Variants in NKAIN3 observed in about 807,000 individuals in gnomAD.
NKAIN3 encodes sodium/potassium-transporting ATPase subunit beta-1-interacting protein 3.
NKAIN3 carries 25 observed loss-of-function variants against 30.2 expected under a neutral mutation model. The observed-to-expected ratio is 0.83, with a 90% CI of 0.60 to 1.16. The LOEUF is 1.16. Ranked by LOEUF, NKAIN3 falls within the 50% of genes most tolerant of loss-of-function variation. The pLI is 0.00. For synonymous variants in NKAIN3, 91 were observed against 89.6 expected (o/e 1.02, Z -0.09); for missense variants, 225 against 254.1 (o/e 0.89, Z 0.78).
intron 3 of NKAIN3, among the ~76,000 whole-genome samples, chr8:62,677,178 G>A (rs914087637): frequency 1.3e-5 from 2 of 152,204 alleles, no homozygotes; most frequent in African/African-American, 2.4e-5. Context: ...CTCAGAAATA[G>A]CACCTGTAAG....
At chr8:62,815,032 G>T (rs1818630043) in intron 4 of NKAIN3, among the ~76,000 whole-genome samples, 1 of 151,850 alleles carries the variant, frequency 6.6e-6, no homozygotes, top group Admixed American at 6.6e-5. Context: ...AATGATAAAG[G>T]GGATATCACC....
At chr8:62,589,099 A>G (rs1010229807) in intron 2 of NKAIN3, among the ~76,000 whole-genome samples, 2 of 151,950 alleles carry the variant, frequency 1.3e-5, no homozygotes, top group African/African-American at 2.4e-5. Flanking sequence ...TTGGCTGGAT[A>G]TGATTGGAAG....
intron 1 of NKAIN3, among the ~76,000 whole-genome samples, chr8:62,513,910 G>A (rs977114978): frequency 7.3e-5 from 11 of 150,822 alleles, no homozygotes; most frequent in East Asian, 2.0e-4. Flanking sequence ...GTAAAGATCC[G>A]GTGGAGGAAG....
chr8:62,678,005 A>C (rs1813529880), intron 3 of NKAIN3, among the ~76,000 whole-genome samples: 1 of 152,198 alleles, frequency 6.6e-6, no homozygotes, highest in Non-Finnish European at 1.5e-5. Context: ...AAATTCAGTG[A>C]GAAAGCTTAA....
chr8:62,416,465 C>G (rs1397135768), intron 1 of NKAIN3, among the ~76,000 whole-genome samples: 2 of 152,136 alleles, frequency 1.3e-5, no homozygotes, highest in Non-Finnish European at 2.9e-5. Context: ...AACCTGTTCT[C>G]CCAGACAGCA....
At chr8:62,345,142 T>C (rs962025904) in intron 1 of NKAIN3, among the ~76,000 whole-genome samples, 2 of 151,764 alleles carry the variant, frequency 1.3e-5, no homozygotes, top group Non-Finnish European at 2.9e-5. Flanking sequence ...CTACTGGTTA[T>C]TGTTTGTTGA....
chr8:62,732,942 A>T (rs1815526149), intron 3 of NKAIN3, among the ~76,000 whole-genome samples: 1 of 152,074 alleles, frequency 6.6e-6, no homozygotes, highest in South Asian at 2.1e-4. Context: ...TATTGAGATT[A>T]TTCATATATG....
At chr8:62,599,585 C>A (rs934279061) in intron 3 of NKAIN3, among the ~76,000 whole-genome samples, 1 of 151,976 alleles carries the variant, frequency 6.6e-6, no homozygotes, top group African/African-American at 2.4e-5. Flanking sequence ...ACATCACAAT[C>A]CTCATCCTGA....
chr8:62,470,634 G>A (rs905952959), intron 1 of NKAIN3, among the ~76,000 whole-genome samples: 1 of 152,122 alleles, frequency 6.6e-6, no homozygotes, highest in Non-Finnish European at 1.5e-5. Flanking sequence ...TGAAGGCAGA[G>A]CAGAGATTTA....
Position 62,968,489 on chromosome 8 carries a change from G to A in NKAIN3, c.*3082G>A, listed in dbSNP as rs12549172. Among the ~76,000 whole-genome samples the A allele has an allele frequency of 0.072, 10,958 of 152,216 alleles. 635 individuals are homozygous for A. The highest frequency in any genetic ancestry group is 0.28 in the East Asian group (1,440 of 5,142). On this transcript the variant is annotated 3_prime_UTR_variant, in exon 7 of 7. Coordinates refer to ENST00000623646, the MANE Select transcript of NKAIN3 (RefSeq NM_001304533.3). Reference sequence around the variant, plus strand: ...GCAATTGTGTGTCTGGTCAGAGTAAGGGAAAATGAATGCATCCCTTAGCTT... The same window carrying A: ...GCAATTGTGTGTCTGGTCAGAGTAAAGGAAAATGAATGCATCCCTTAGCTT...
chr8:62,288,472 A>G (rs779995673), intron 1 of NKAIN3, among the ~76,000 whole-genome samples: 12 of 152,080 alleles, frequency 7.9e-5, no homozygotes, highest in Non-Finnish European at 1.3e-4. Flanking sequence ...ATTCCCACCT[A>G]TGAGTGAGAA....
chr8:62,492,468 T>C (rs1323479122), intron 1 of NKAIN3, among the ~76,000 whole-genome samples: 1 of 152,174 alleles, frequency 6.6e-6, no homozygotes, highest in Non-Finnish European at 1.5e-5. Context: ...CTGTTGCCTA[T>C]GTCCTACCTT....
At chr8:62,262,402 G>C (rs966820427) in intron 1 of NKAIN3, among the ~76,000 whole-genome samples, 8 of 151,148 alleles carry the variant, frequency 5.3e-5, no homozygotes, top group Admixed American at 4.0e-4. Flanking sequence ...CTCACTGTCC[G>C]GATATAATCT....
At position 62,728,542 on chromosome 8, in the gene NKAIN3, T is replaced by C. The variant is rs1464042972; in HGVS notation, c.274-18390T>C. On this transcript the variant is annotated intron_variant, in intron 3 of 6. Coordinates refer to ENST00000623646, the MANE Select transcript of NKAIN3 (RefSeq NM_001304533.3). The stretch of plus-strand genomic sequence containing the variant: ...GCTGGGCATGGGTGGCGCAAGCCTG[T>C]AATCCCAGCTACTCAGGAGGGCTGA... Among the ~76,000 whole-genome samples, 13 of 78,690 alleles carry C rather than the reference T, an allele frequency of 1.7e-4. No homozygotes were observed. The Admixed American group carries it at 2.1e-3, about 13-fold the overall frequency. 51.6% of individuals were successfully genotyped at this position (78,690 alleles called of 152,430 possible).
At chr8:62,281,242 G>T (rs879130061) in intron 1 of NKAIN3, among the ~76,000 whole-genome samples, 3 of 151,766 alleles carry the variant, frequency 2.0e-5, no homozygotes, top group Non-Finnish European at 2.9e-5. Context: ...ATTTTTTATT[G>T]CATCTATTTG....
At chr8:62,923,358 G>A (rs1240758387) in intron 5 of NKAIN3, among the ~76,000 whole-genome samples, 1 of 152,064 alleles carries the variant, frequency 6.6e-6, no homozygotes, top group Non-Finnish European at 1.5e-5. Context: ...TATTTGTTGA[G>A]TTTATAGTGT....
chr8:62,344,944 T>A (rs1468873333), intron 1 of NKAIN3: 2 of 283,020 alleles, frequency 7.1e-6, no homozygotes, highest in Non-Finnish European at 1.4e-5. Flanking sequence ...CAATCCAATA[T>A]ATTTTTATTT....
chr8:62,516,213 A>C (rs185356228), intron 1 of NKAIN3, among the ~76,000 whole-genome samples: 1 of 152,140 alleles, frequency 6.6e-6, no homozygotes, highest in East Asian at 1.9e-4. Context: ...CTTCACATTT[A>C]AGTTTCCCCT....
chr8:62,652,129 T>C (rs2130333489), intron 3 of NKAIN3, among the ~76,000 whole-genome samples: 1 of 152,274 alleles, frequency 6.6e-6, no homozygotes, highest in East Asian at 1.9e-4. Flanking sequence ...CTCCCTGACC[T>C]AATCAGCTCC....
Sources: allele counts gnomAD v4.1 joint callset (sites outside exome capture counted in the v4.1 genomes callset), GRCh38; gene constraint gnomAD v4.1.1; transcripts MANE v1.5; gene names NCBI Gene and HGNC (gene_info 2026-07-23, HGNC 2026-07-21).